The following LIMCH1 variants were observed in gnomAD, a reference collection of about 807,000 sequenced individuals.
The protein encoded by LIMCH1 is LIM and calponin homology domains 1.
LIMCH1 carries 113 observed loss-of-function variants against 176.5 expected under a neutral mutation model. That is an observed-to-expected ratio of 0.64 (90% confidence interval 0.55 to 0.75). The LOEUF is 0.75. LIMCH1 is among the 30% of genes least tolerant of loss of function. The probability of loss-of-function intolerance (pLI) is 0.00; values close to 1 mark genes in which losing one functional copy is unlikely to be tolerated. For synonymous variants in LIMCH1, 619 were observed against 645.9 expected, an observed-to-expected ratio of 0.96 and a Z score of 0.63; for missense variants, 1,674 against 1,814.9, an observed-to-expected ratio of 0.92 and a Z score of 1.41.
chr4:41,581,805 C>CAAAAAAAAAAAAA (rs56150312), intron 1 of LIMCH1, among the ~76,000 whole-genome samples: 3 of 76,190 alleles, frequency 3.9e-5, no homozygotes, highest in African/African-American at 9.0e-5. Context: ...GACTCTGTCT[C>CAAAAAAAAAAAAA]AAAAAAAAAA....
chr4:41,655,041 A>C (rs1391284954), intron 18 of LIMCH1, among the ~76,000 whole-genome samples: 1 of 152,204 alleles, frequency 6.6e-6, no homozygotes, highest in Non-Finnish European at 1.5e-5. Context: ...CTGAGGGCTA[A>C]TATATCCTAT....
At chr4:41,399,135 A>G (rs995472208) in intron 1 of LIMCH1, among the ~76,000 whole-genome samples, 1 of 152,212 alleles carries the variant, frequency 6.6e-6, no homozygotes, top group Non-Finnish European at 1.5e-5. Flanking sequence ...AAGCAGAGGC[A>G]TGGGATGTTA....
At chr4:41,588,803 C>T (rs756967106) in intron 1 of LIMCH1, among the ~76,000 whole-genome samples, 3 of 152,162 alleles carry the variant, frequency 2.0e-5, no homozygotes, top group African/African-American at 4.8e-5. Context: ...AGCCTGTCTT[C>T]GTGGAACGGA....
intron 1 of LIMCH1, among the ~76,000 whole-genome samples, chr4:41,544,821 G>A (rs934177342): frequency 7.2e-5 from 11 of 152,180 alleles, no homozygotes; most frequent in African/African-American, 2.7e-4. Flanking sequence ...CTGTGCTGGG[G>A]CAGCTGCTGA....
In LIMCH1 at chr4:41,646,537, G is replaced by C. The variant is rs2094069444; in HGVS notation, c.2464G>C (p.Glu822Gln). ...AGCATATAAGAACGCTCGGTCCCAG[G>C]AGGAGGCAGAGGGGATCCTTCAACA... is the stretch of plus-strand genomic sequence containing the variant. Reference protein sequence around the residue: ...HEAYKNARSQEEAEGILQQYI... With the variant: ...HEAYKNARSQQEAEGILQQYI... Residue 822 changes from glutamate to glutamine, a missense_variant, in exon 17 of 32, where the codon GAG becomes CAG. By Grantham distance (29) the Glu-to-Gln change is conservative (BLOSUM62 2). Coordinates refer to ENST00000503057, the MANE Select transcript of LIMCH1 (RefSeq NM_001330672.2). The C allele has an allele frequency of 6.2e-7, 1 of 1,614,080 alleles. No individual in the cohort carries two copies. Among genetic ancestry groups the C allele is most frequent in the South Asian group, 1.1e-5 (1 of 91,082 alleles).
chr4:41,524,399 T>C (rs2152414279), intron 2 of LIMCH1: 1 of 1,612,764 alleles, frequency 6.2e-7, no homozygotes, highest in Admixed American at 1.7e-5. Context: ...TTCTGCCTTT[T>C]TCATGACAGG....
intron 17 of LIMCH1, among the ~76,000 whole-genome samples, chr4:41,648,160 C>T (rs1261539449): frequency 6.6e-6 from 1 of 152,080 alleles, no homozygotes; most frequent in Non-Finnish European, 1.5e-5. Flanking sequence ...TATGGTATTT[C>T]CTGAAGGAAG....
At chr4:41,638,554 C>G (rs1388550641) in intron 13 of LIMCH1, among the ~76,000 whole-genome samples, 2 of 152,156 alleles carry the variant, frequency 1.3e-5, no homozygotes, top group African/African-American at 4.8e-5. Context: ...CATAAAGGCA[C>G]AAAAAGTTGA....
At chr4:41,502,788 G>T (rs1346163741) in intron 2 of LIMCH1, among the ~76,000 whole-genome samples, 1 of 151,824 alleles carries the variant, frequency 6.6e-6, no homozygotes, top group African/African-American at 2.4e-5. Flanking sequence ...TCGGGTTGGG[G>T]GTTGAGTTGA....
At chr4:41,465,584 A>G (rs939509705) in intron 1 of LIMCH1, among the ~76,000 whole-genome samples, 2 of 152,144 alleles carry the variant, frequency 1.3e-5, no homozygotes, top group Non-Finnish European at 2.9e-5. Flanking sequence ...GTTACAGCCC[A>G]CTTCTTTGGT....
At chr4:41,470,323 A>T (rs1310786427) in intron 1 of LIMCH1, among the ~76,000 whole-genome samples, 1 of 152,156 alleles carries the variant, frequency 6.6e-6, no homozygotes, top group Non-Finnish European at 1.5e-5. Flanking sequence ...TTTGCAATGG[A>T]TGATCTCTCC....
intron 1 of LIMCH1, among the ~76,000 whole-genome samples, chr4:41,363,691 C>G (rs768878953): frequency 3.9e-5 from 6 of 152,246 alleles, no homozygotes; most frequent in Middle Eastern, 3.4e-3. Flanking sequence ...GGCCTGGGAA[C>G]GATTCCCCCA....
chr4:41,521,317 T>C (rs1343811291), intron 2 of LIMCH1, among the ~76,000 whole-genome samples: 10 of 152,192 alleles, frequency 6.6e-5, no homozygotes, highest in African/African-American at 1.9e-4. Context: ...TCATTTTTTC[T>C]TCTACAAAAA....
At chr4:41,363,660 G>A (rs1020222360) in intron 1 of LIMCH1, among the ~76,000 whole-genome samples, 2 of 152,146 alleles carry the variant, frequency 1.3e-5, no homozygotes, top group African/African-American at 2.4e-5. Flanking sequence ...TTTGAGGACC[G>A]TGTTACTGGG....
chr4:41,488,876 T>A (rs932099133), intron 1 of LIMCH1, among the ~76,000 whole-genome samples: 1 of 152,186 alleles, frequency 6.6e-6, no homozygotes, highest in Non-Finnish European at 1.5e-5. Context: ...TTTTCAATTA[T>A]CTGGAAGAGT....
intron 2 of LIMCH1, among the ~76,000 whole-genome samples, chr4:41,522,959 C>CT (rs2076265152): frequency 6.6e-6 from 1 of 152,146 alleles, no homozygotes; most frequent in Non-Finnish European, 1.5e-5. Flanking sequence ...CAAAACAGCA[C>CT]TTGTGCACTC....
intron 18 of LIMCH1, among the ~76,000 whole-genome samples, chr4:41,659,320 C>T (rs6858792): frequency 0.29 from 43,849 of 151,970 alleles, 6,816 homozygotes; most frequent in African/African-American, 0.36. Flanking sequence ...TTATGTTCTT[C>T]CAGAATTGAT....
At chr4:41,512,740 C>T (rs1374174264) in intron 2 of LIMCH1, among the ~76,000 whole-genome samples, 3 of 151,988 alleles carry the variant, frequency 2.0e-5, no homozygotes, top group Non-Finnish European at 2.9e-5. Flanking sequence ...TTGTTTGGGG[C>T]TGGGGGTTGT....
In LIMCH1 at chr4:41,586,335, C is replaced by G. The variant is rs907920029; in HGVS notation, c.-240-12585C>G. On this transcript the variant is annotated intron_variant, in intron 1 of 31. Coordinates refer to ENST00000503057, the MANE Select transcript of LIMCH1 (RefSeq NM_001330672.2). ...GTGTTGCCTGCACTGGTCTGAAACC[C>G]CTGGGCTCAAGTGATCCACCTGCTT... 5.3e-5 allele frequency among the ~76,000 whole-genome samples: 8 copies of G among 151,850 alleles called. No homozygotes were observed. The East Asian group carries it at 1.5e-3, about 29-fold the overall frequency.
Sources: gnomAD v4.1 joint callset for allele counts (sites outside exome capture counted in the v4.1 genomes callset) on GRCh38, gnomAD v4.1.1 for gene constraint, MANE v1.5 for transcripts, NCBI Gene and HGNC (gene_info 2026-07-23, HGNC 2026-07-21) for gene names.